NRXN1: variants seen among roughly 807,000 people sequenced by gnomAD.
NRXN1 encodes neurexin 1, also known as neurexin-1.
Under a neutral mutation model 150.9 loss-of-function variants are expected in NRXN1, and 39 were observed. That is an observed-to-expected ratio of 0.26 (90% CI 0.20 to 0.34). The LOEUF (loss-of-function observed/expected upper bound fraction) is 0.34, where lower values mean the gene tolerates loss of function less well. Ranked by LOEUF, NRXN1 falls within the 10% of genes least tolerant of loss-of-function variation. The pLI, the probability that NRXN1 is intolerant of heterozygous loss-of-function variation, is 1.00. For synonymous variants in NRXN1, 924 were observed against 757.0 expected, an observed-to-expected ratio of 1.22 and a Z score of -3.62; for missense variants, 1,815 against 1,949.9, an observed-to-expected ratio of 0.93 and a Z score of 1.30.
intron 17 of NRXN1, among the ~76,000 whole-genome samples, chr2:50,355,378 T>C (rs1572656249): frequency 1.3e-5 from 2 of 151,836 alleles, no homozygotes; most frequent in East Asian, 1.9e-4. Context: ...TATTCTACTA[T>C]CAAGACCTTT....
intron 5 of NRXN1, among the ~76,000 whole-genome samples, chr2:50,683,501 G>A (rs918033205): frequency 6.8e-6 from 1 of 147,980 alleles, no homozygotes; most frequent in African/African-American, 2.5e-5. Context: ...GCACAGTGGC[G>A]GGCTCCTGTA....
chr2:50,083,244 G>A (rs1698231001), intron 19 of NRXN1, among the ~76,000 whole-genome samples: 2 of 152,148 alleles, frequency 1.3e-5, no homozygotes, highest in African/African-American at 4.8e-5. Context: ...TCAATTTAAG[G>A]AATGAAGCAG....
rs79391923 is a variant in NRXN1 at position 49,949,686 on chromosome 2, T to C, written c.4129-5895A>G. 6.0e-3 allele frequency among the ~76,000 whole-genome samples: 909 copies of C among 150,894 alleles called. 12 individuals carry two copies. Among genetic ancestry groups the C allele is most frequent in the African/African-American group, 0.022 (876 of 40,468 alleles). ...TAAACAGCAACAGTGTATCCTGCTA[T>C]ACCTCTAAATACGAAGCCAAAAGAA... On this transcript the variant is annotated intron_variant, in intron 21 of 22. Coordinates refer to ENST00000401669, the MANE Select transcript of NRXN1 (RefSeq NM_001330078.2).
chr2:50,272,896 AT>A (rs2069889303), intron 17 of NRXN1, among the ~76,000 whole-genome samples: 1 of 152,108 alleles, frequency 6.6e-6, no homozygotes, highest in African/African-American at 2.4e-5. Context: ...ATGAAAAAAA[AT>A]GAATTTGTAA....
chr2:50,969,230 A>G (rs1694615670), intron 2 of NRXN1, among the ~76,000 whole-genome samples: 1 of 152,158 alleles, frequency 6.6e-6, no homozygotes, highest in African/African-American at 2.4e-5. Flanking sequence ...TCATTAATTA[A>G]TATATTAATT....
intron 18 of NRXN1, among the ~76,000 whole-genome samples, chr2:50,193,338 A>G (rs1190977056): frequency 1.3e-5 from 2 of 152,188 alleles, no homozygotes; most frequent in Non-Finnish European, 2.9e-5. Flanking sequence ...TTTAGAGCCT[A>G]CGAGTGTTCT....
At position 50,453,022 on chromosome 2, in the gene NRXN1, C is replaced by G. The variant is rs976704462; in HGVS notation, c.3364+12420G>C. Among the ~76,000 whole-genome samples, 6 of 152,280 alleles carry G rather than the reference C, an allele frequency of 3.9e-5. No individual in the cohort carries two copies. In the East Asian group the frequency reaches 1.2e-3, roughly 29 times the overall value. ...ATGAAATTTTGTATTCTTTTCAAAT[C>G]ACCATATATTAAATATCCAAGATAG... On this transcript the variant is annotated intron_variant, in intron 17 of 22. Transcript: ENST00000401669.
intron 21 of NRXN1, among the ~76,000 whole-genome samples, chr2:50,015,518 A>C (rs1247584262): frequency 1.5e-5 from 1 of 67,890 alleles, no homozygotes; most frequent in Non-Finnish European, 2.8e-5. Context: ...ATTTCTGCCA[A>C]AAAAAAAAAA....
chr2:50,419,755 C>A (rs2083826050), intron 17 of NRXN1, among the ~76,000 whole-genome samples: 1 of 151,958 alleles, frequency 6.6e-6, no homozygotes, highest in Non-Finnish European at 1.5e-5. Context: ...AAATTCTCCA[C>A]CATGAAAACA....
At chr2:50,137,216 A>G (rs1255583661) in intron 18 of NRXN1, among the ~76,000 whole-genome samples, 1 of 152,158 alleles carries the variant, frequency 6.6e-6, no homozygotes, top group Non-Finnish European at 1.5e-5. Flanking sequence ...TAAAAATATT[A>G]TTTGTCAATT....
At chr2:50,363,569 A>T (rs1284285356) in intron 17 of NRXN1, among the ~76,000 whole-genome samples, 1 of 152,216 alleles carries the variant, frequency 6.6e-6, no homozygotes, top group Non-Finnish European at 1.5e-5. Context: ...TAGAATGGTG[A>T]TCATTAAAAA....
chr2:50,653,067 T>C (rs1414319115), intron 5 of NRXN1, among the ~76,000 whole-genome samples: 1 of 152,056 alleles, frequency 6.6e-6, no homozygotes, highest in Non-Finnish European at 1.5e-5. Flanking sequence ...ACATGGATCA[T>C]GTTGACTCCC....
chr2:50,874,849 C>G (rs148317061), intron 5 of NRXN1, among the ~76,000 whole-genome samples: 1 of 151,792 alleles, frequency 6.6e-6, no homozygotes, highest in African/African-American at 2.4e-5. Context: ...TTATATACTA[C>G]GTTGAGAAAT....
intron 19 of NRXN1, among the ~76,000 whole-genome samples, chr2:50,088,208 G>GT (rs1310192088): frequency 6.6e-6 from 1 of 152,046 alleles, no homozygotes; most frequent in Non-Finnish European, 1.5e-5. Context: ...TTTAATCAAG[G>GT]TGACACACTC....
chr2:50,903,900 G>C (rs1459910464), intron 5 of NRXN1, among the ~76,000 whole-genome samples: 1 of 152,116 alleles, frequency 6.6e-6, no homozygotes, highest in Non-Finnish European at 1.5e-5. Flanking sequence ...GCCGGCTGTA[G>C]CCCTGAGATT....
chr2:51,027,519 C>A lies in NRXN1; in HGVS notation c.755G>T (p.Gly252Val). The A allele has an allele frequency of 6.5e-7, 1 of 1,543,124 alleles. No individual in the cohort carries two copies. Among genetic ancestry groups the A allele is most frequent in the East Asian group, 2.3e-5 (1 of 43,780 alleles). Residue 252 changes from glycine to valine, a missense_variant, in exon 2 of 23, where the codon GGC becomes GTC. Coordinates refer to ENST00000401669, the MANE Select transcript of NRXN1 (RefSeq NM_001330078.2). The stretch of plus-strand genomic sequence containing the variant: ...GGCCTTACCTTGGCTGCAGTCCTTG[C>A]CGCGGAAGCCGGTTCGCGAGCAGTC... ...VCDCSRTGFR[G>V]KDCSQEDNNV...
At chr2:50,732,612 C>T (rs1698240091) in intron 5 of NRXN1, among the ~76,000 whole-genome samples, 1 of 152,138 alleles carries the variant, frequency 6.6e-6, no homozygotes, top group Non-Finnish European at 1.5e-5. Flanking sequence ...CTCCTCCTAG[C>T]TTTAAAGTAA....
At chr2:50,818,114 CAAAAAA>C (rs199675644) in intron 5 of NRXN1, among the ~76,000 whole-genome samples, 11,301 of 46,668 alleles carry the variant, frequency 0.24, 505 homozygotes, top group Non-Finnish European at 0.26. Context: ...GACTCCATAG[CAAAAAA>C]AAAAAAAAAA....
chr2:50,280,336 A>C (rs1574905682), intron 17 of NRXN1, among the ~76,000 whole-genome samples: 1 of 151,934 alleles, frequency 6.6e-6, no homozygotes, highest in Non-Finnish European at 1.5e-5. Flanking sequence ...AAAATGCATT[A>C]TTAATTTATG....
Sources: gnomAD v4.1 joint callset for allele counts (sites outside exome capture counted in the v4.1 genomes callset) on GRCh38, gnomAD v4.1.1 for gene constraint, MANE v1.5 for transcripts, NCBI Gene and HGNC (gene_info 2026-07-23, HGNC 2026-07-21) for gene names.